The following PSMB3 variants were observed in gnomAD, a reference collection of about 807,000 sequenced individuals.
PSMB3 encodes proteasome 20S subunit beta 3, also known as proteasome subunit beta type-3.
In PSMB3, 5 loss-of-function variants were observed where a neutral mutation model predicts 23.3. That is an observed-to-expected ratio of 0.21 (90% confidence interval 0.11 to 0.45). PSMB3 has a LOEUF of 0.45. Ranked by LOEUF, PSMB3 falls within the 20% of genes least tolerant of loss-of-function variation. PSMB3 has a pLI of 0.99. For missense variants in PSMB3, 192 were observed against 277.9 expected (o/e 0.69, Z 2.20); for synonymous variants, 85 against 99.8 (o/e 0.85, Z 0.88).
intron 2 of PSMB3, 28 bp downstream of exon 2, chr17:38,753,362 C>T (rs539456491): frequency 1.2e-6 from 2 of 1,603,444 alleles, no homozygotes; most frequent in Admixed American, 3.4e-5. Flanking sequence ...CCGCCCACAC[C>T]CAGGCCTCTT....
intron 2 of PSMB3, 70 bp from the exon 3 acceptor site, chr17:38,755,813 T>C (rs11656344): frequency 0.028 from 37,968 of 1,343,108 alleles, 2,670 homozygotes; most frequent in African/African-American, 0.26. Context: ...TATGTTTCCC[T>C]GACCTCAACA....
intron 3 of PSMB3, among the ~76,000 whole-genome samples, chr17:38,756,687 A>T (rs1174788037): frequency 6.6e-6 from 1 of 151,764 alleles, no homozygotes; most frequent in Non-Finnish European, 1.5e-5. Flanking sequence ...GTAGAGACAG[A>T]GTTTCAACAT....
At position 38,753,191 on chromosome 17, in the gene PSMB3, G is replaced by C; in HGVS notation, c.45G>C (p.Lys15Asn). The C allele has an allele frequency of 6.2e-7, 1 of 1,614,230 alleles. No individual in the cohort carries two copies. Among genetic ancestry groups the C allele is most frequent in the Non-Finnish European group, 8.5e-7 (1 of 1,180,032 alleles). Residue 15 changes from lysine to asparagine, a missense_variant, in exon 2 of 6, where the codon AAG becomes AAC. Coordinates refer to ENST00000619426, the MANE Select transcript of PSMB3 (RefSeq NM_002795.4). ...ACGGAGGGGCCGTCATGGCCATGAAGGGGAAGAACTGTGTGGCCATCGCTG... is the reference window on the plus strand; with the variant it reads ...ACGGAGGGGCCGTCATGGCCATGAACGGGAAGAACTGTGTGGCCATCGCTG... ...SYNGGAVMAM[K>N]GKNCVAIAAD... is the part of the protein sequence containing the mutation.
Position 38,757,626 on chromosome 17 carries a change from T to C in PSMB3, c.296+1636T>C, listed in dbSNP as rs192565817. 5.3e-3 allele frequency among the ~76,000 whole-genome samples: 807 copies of C among 151,788 alleles called. 6 individuals are homozygous for C. The highest frequency in any genetic ancestry group is 0.018 in the African/African-American group (730 of 41,404). On this transcript the variant is annotated intron_variant, in intron 3 of 5. Transcript: ENST00000619426. ...GGTCAGGAGATCAAGACCATCCTGG[T>C]CAACATGGTGAAACCCCATCTCTAA...
Position 38,762,920 on chromosome 17 carries a change from G to A in PSMB3, c.569+415G>A, listed in dbSNP as rs374370255. On this transcript the variant is annotated intron_variant, in intron 5 of 5. Transcript: ENST00000619426. Reference sequence around the variant, plus strand: ...CCAAGCCTCAGCCAACTCCCTAAGTGCCATCCTCCTTGTCCTTTTACTTGT... The same window carrying A: ...CCAAGCCTCAGCCAACTCCCTAAGTACCATCCTCCTTGTCCTTTTACTTGT... Among the ~76,000 whole-genome samples the A allele has an allele frequency of 2.0e-3, 305 of 152,262 alleles. 1 individual carries two copies. The highest frequency in any genetic ancestry group is 6.9e-3 in the African/African-American group (288 of 41,552).
intron 5 of PSMB3, among the ~76,000 whole-genome samples, chr17:38,763,915 C>T: frequency 6.6e-6 from 1 of 152,200 alleles, no homozygotes; most frequent in Non-Finnish European, 1.5e-5. Context: ...CTGTTCCTAT[C>T]CCTCCTTCCT....
intron 3 of PSMB3, 27 bp downstream of exon 3, chr17:38,756,017 G>A (rs1598031057): frequency 1.3e-6 from 2 of 1,535,588 alleles, no homozygotes; most frequent in East Asian, 2.2e-5. Flanking sequence ...CTAGCACTGA[G>A]GGAATGCAGA....
rs533224003 is a variant in PSMB3 at position 38,761,180 on chromosome 17, T to A, written c.474+572T>A. On this transcript the variant is annotated intron_variant, in intron 4 of 5. Coordinates refer to ENST00000619426, the MANE Select transcript of PSMB3 (RefSeq NM_002795.4). Reference sequence around the variant, plus strand: ...GCCTGACCAACATGGAGAAACCCCGTCTCTACTAAAAAAAAAGTTAAATTA... The same window carrying A: ...GCCTGACCAACATGGAGAAACCCCGACTCTACTAAAAAAAAAGTTAAATTA... 9.2e-5 allele frequency among the ~76,000 whole-genome samples: 14 copies of A among 151,596 alleles called. No individual in the cohort carries two copies. The South Asian group carries it at 2.9e-3, about 32-fold the overall frequency.
chr17:38,758,637 G>T (rs1908310790), intron 3 of PSMB3, among the ~76,000 whole-genome samples: 1 of 152,152 alleles, frequency 6.6e-6, no homozygotes. Flanking sequence ...CAGCCATCAT[G>T]CCTGGCCTAA....
chr17:38,755,976 C>T lies in PSMB3; in HGVS notation c.282C>T (p.Leu94=), dbSNP rs1445955625. 7.4e-6 allele frequency: 12 copies of T among 1,613,090 alleles called. No individual in the cohort carries two copies. In the Admixed American group the frequency reaches 1.0e-4, roughly 13 times the overall value. ...CCCTCATGAGCATGGTGGCCAACCTCTTGTATGAGAAACGGTGAGTGCAAG... is the reference window on the plus strand; with the variant it reads ...CCCTCATGAGCATGGTGGCCAACCTTTTGTATGAGAAACGGTGAGTGCAAG... ...PYTLMSMVAN[L]LYEKRFGPYY... is the part of the protein sequence containing the mutation. Residue 94 remains leucine (L), a synonymous_variant, in exon 3 of 6, where the codon CTC becomes CTT. Transcript: ENST00000619426.
intron 5 of PSMB3, among the ~76,000 whole-genome samples, chr17:38,763,461 T>C (rs184904067): frequency 6.7e-6 from 1 of 149,946 alleles, no homozygotes; most frequent in African/African-American, 2.4e-5. Flanking sequence ...CCTTCCTAAG[T>C]GGCTTGTTCT....
At chr17:38,762,107 TCTC>T (rs2143250954) in intron 4 of PSMB3, 1 of 338,136 alleles carries the variant, frequency 3.0e-6, no homozygotes, top group African/African-American at 2.1e-5. Context: ...TAGGGATTCT[TCTC>T]CCTATTTTAC....
rs923629877 is a variant in PSMB3, at chr17:38,760,423, C to G, written c.297-8C>G. 6.2e-7 allele frequency: 1 copy of G among 1,612,820 alleles called. No homozygotes were observed. Among genetic ancestry groups the G allele is most frequent in the African/African-American group, 1.3e-5 (1 of 74,962 alleles). ...TCTGGTTTCTCTCTCTGATGCTGGC[C>G]CCCACAGGTTTGGCCCTTACTACAC... On this transcript the variant is annotated splice_region_variant and splice_polypyrimidine_tract_variant and intron_variant, in intron 3 of 5. Coordinates refer to ENST00000619426, the MANE Select transcript of PSMB3 (RefSeq NM_002795.4).
In PSMB3 at chr17:38,752,971, C is replaced by A; in HGVS notation, c.3+142C>A. ...GAGGGGAGCGGGCCCCGGTGAGGAC[C>A]AAGAGGGTGAGTGCGGCTCATTGCC... On this transcript the variant is annotated intron_variant, in intron 1 of 5. Transcript: ENST00000619426. The surrounding 1 kb of genome is among the most constrained non-coding windows in gnomAD (Gnocchi z 5.5). 1 of 1,359,976 alleles carries A rather than the reference C, an allele frequency of 7.4e-7. No individual in the cohort carries two copies. The highest frequency in any genetic ancestry group is 1.0e-6 in the Non-Finnish European group (1 of 984,716). 84.2% of individuals were successfully genotyped at this position (1,359,976 alleles called of 1,614,324 possible).
At chr17:38,763,301 T>C (rs764995571) in intron 5 of PSMB3, among the ~76,000 whole-genome samples, 9 of 151,594 alleles carry the variant, frequency 5.9e-5, no homozygotes, top group Non-Finnish European at 1.0e-4. Flanking sequence ...TTGCAGTTAG[T>C]CAAGATCACG....
At chr17:38,755,346 T>G (rs1001712127) in intron 2 of PSMB3, 1 of 151,900 alleles carries the variant, frequency 6.6e-6, no homozygotes, top group African/African-American at 2.4e-5. Flanking sequence ...TTATTCCAGT[T>G]TTAATATATG....
chr17:38,755,859 T>C (rs1483595276), intron 2 of PSMB3, 24 bp from the exon 3 acceptor site: 2 of 1,320,066 alleles, frequency 1.5e-6, no homozygotes, highest in East Asian at 4.8e-5. Flanking sequence ...AATGACTTAC[T>C]AACTCACTTT....
chr17:38,758,568 C>T (rs1908307408), intron 3 of PSMB3, among the ~76,000 whole-genome samples: 1 of 152,112 alleles, frequency 6.6e-6, no homozygotes, highest in Non-Finnish European at 1.5e-5. Flanking sequence ...TCTTGAATGC[C>T]TAGGCTCAAG....
At position 38,758,411 on chromosome 17, in the gene PSMB3, C is replaced by A. The variant is rs567185790; in HGVS notation, c.297-2020C>A. ...CTGGAGTGCAGTGGTGCGATCATGG[C>A]TCACTGCAACCTTTGCCTCCTGGGT... On this transcript the variant is annotated intron_variant, in intron 3 of 5. Coordinates refer to ENST00000619426, the MANE Select transcript of PSMB3 (RefSeq NM_002795.4). Among the ~76,000 whole-genome samples, 6 of 152,064 alleles carry A rather than the reference C, an allele frequency of 3.9e-5. No individual in the cohort carries two copies. In the East Asian group the frequency reaches 1.2e-3, roughly 29 times the overall value.
Sources: allele counts gnomAD v4.1 joint callset (sites outside exome capture counted in the v4.1 genomes callset), GRCh38; gene constraint gnomAD v4.1.1; non-coding constraint Gnocchi (gnomAD v3.1); transcripts MANE v1.5; gene names NCBI Gene and HGNC (gene_info 2026-07-23, HGNC 2026-07-21).